The following PRAG1 variants were observed in gnomAD, a reference collection of about 807,000 sequenced individuals.
PRAG1 encodes the protein PEAK1 related, kinase-activating pseudokinase 1, also known as inactive tyrosine-protein kinase PRAG1.
Under a neutral mutation model 95.6 loss-of-function variants are expected in PRAG1, and 110 were observed. The observed-to-expected ratio is 1.15, with a 90% CI of 0.99 to 1.35. The LOEUF is 1.35. Among genes scored for constraint, PRAG1 ranks in the 40% most tolerant of loss-of-function variants. PRAG1 has a pLI of 0.00. For missense variants in PRAG1, 2,554 were observed against 1,864.7 expected (o/e 1.37, Z -6.81); for synonymous variants, 1,052 against 819.4 (o/e 1.28, Z -4.85).
At chr8:8,369,240 A>G (rs1800112037) in intron 3 of PRAG1, among the ~76,000 whole-genome samples, 1 of 151,620 alleles carries the variant, frequency 6.6e-6, no homozygotes, top group Non-Finnish European at 1.5e-5. Context: ...AACATCTACT[A>G]CATATCCAAC....
At position 8,378,040 on chromosome 8, in the gene PRAG1, C is replaced by A. The variant is rs749659111; in HGVS notation, c.369G>T (p.Pro123=). ...AGACGACGGGGGCATCCTCCTGCTT[C>A]GGGAGGGGGAGCTTGCCAGGGGCTC... The part of the protein sequence containing the change: ...WRRAPGKLPL[P]KQEDAPVVYL... Residue 123 remains proline (P), a synonymous_variant, in exon 3 of 6, where the codon CCG becomes CCT. Transcript: ENST00000615670. The A allele has an allele frequency of 4.5e-6, 7 of 1,557,476 alleles. No homozygotes were observed. In the East Asian group the frequency reaches 1.4e-4, roughly 30 times the overall value.
chr8:8,338,857 T>G (rs1563234433), intron 4 of PRAG1, among the ~76,000 whole-genome samples: 1 of 152,138 alleles, frequency 6.6e-6, no homozygotes, highest in Non-Finnish European at 1.5e-5. Context: ...CAAAGAATGC[T>G]GAAAGGGTGA....
chr8:8,381,028 T>G (rs887818184), intron 2 of PRAG1, among the ~76,000 whole-genome samples: 50 of 151,892 alleles, frequency 3.3e-4, no homozygotes, highest in Admixed American at 1.4e-3. Flanking sequence ...TGGTCAGGAG[T>G]TGATGGTTGC....
At chr8:8,381,900 T>G (rs1005952187) in intron 1 of PRAG1, 66 bp from the exon 2 acceptor site, 7 of 594,966 alleles carry the variant, frequency 1.2e-5, no homozygotes, top group African/African-American at 1.1e-4. Context: ...CATTATCAAT[T>G]AGAGTCTCAC....
chr8:8,327,061 C>T (rs961946128), intron 5 of PRAG1, among the ~76,000 whole-genome samples: 1 of 152,168 alleles, frequency 6.6e-6, no homozygotes, highest in Non-Finnish European at 1.5e-5. Flanking sequence ...TATATTCACA[C>T]CTACATACTC....
intron 2 of PRAG1, among the ~76,000 whole-genome samples, chr8:8,379,353 A>C (rs1230607521): frequency 6.6e-6 from 1 of 152,168 alleles, no homozygotes; most frequent in African/African-American, 2.4e-5. Context: ...TCTGGTCTAA[A>C]GTCCTCCTTT....
rs372835921 is a variant in PRAG1, at chr8:8,376,249, C to A, written c.2160G>T (p.Ser720=). 5 of 1,611,814 alleles carry A rather than the reference C, an allele frequency of 3.1e-6. No homozygotes were observed. Among genetic ancestry groups the A allele is most frequent in the Admixed American group, 3.3e-5 (2 of 59,936 alleles). The part of the protein sequence containing the change: ...TFSPPPPPPK[S]RHLLKMNKSS... ...CCCAGGCAGACAATGGTACTCACCG[C>A]GACTTTGGAGGCGGAGGAGGAGGTG... is the stretch of plus-strand genomic sequence containing the variant. The change falls in exon 3 of 6, where the codon TCG becomes TCT. Residue 720 remains serine (S), a splice_region_variant and synonymous_variant. Transcript: ENST00000615670.
In PRAG1 at chr8:8,378,040, C is replaced by T. The variant is rs749659111; in HGVS notation, c.369G>A (p.Pro123=). 10 of 1,557,478 alleles carry T rather than the reference C, an allele frequency of 6.4e-6. No homozygotes were observed. The highest frequency in any genetic ancestry group is 1.4e-5 in the African/African-American group (1 of 73,256). The change falls in exon 3 of 6, where the codon CCG becomes CCA. Residue 123 remains proline (P), a synonymous_variant. Coordinates refer to ENST00000615670, the MANE Select transcript of PRAG1 (RefSeq NM_001080826.3). ...WRRAPGKLPL[P]KQEDAPVVYL... The stretch of plus-strand genomic sequence containing the variant: ...AGACGACGGGGGCATCCTCCTGCTT[C>T]GGGAGGGGGAGCTTGCCAGGGGCTC...
Position 8,334,724 on chromosome 8 carries a change from A to G in PRAG1, c.2320+4754T>C, listed in dbSNP as rs572941933. Among the ~76,000 whole-genome samples, 10 of 150,646 alleles carry G rather than the reference A, an allele frequency of 6.6e-5. No individual in the cohort carries two copies. The South Asian group carries it at 1.7e-3, about 26-fold the overall frequency. On this transcript the variant is annotated intron_variant, in intron 4 of 5. Transcript: ENST00000615670. ...GTGGTCCTGGAATTATGATCTTTCA[A>G]TCTCCTGTTATAACATAATCATTAA...
chr8:8,377,567 C>A lies in PRAG1; in HGVS notation c.842G>T (p.Gly281Val). 6.2e-7 allele frequency: 1 copy of A among 1,609,508 alleles called. No individual in the cohort carries two copies. The highest frequency in any genetic ancestry group is 8.5e-7 in the Non-Finnish European group (1 of 1,178,190). The change falls in exon 3 of 6, where the codon GGC becomes GTC. Residue 281 changes from glycine (G) to valine (V), a missense_variant. Gly to Val is a moderately radical substitution (Grantham distance 109). Coordinates refer to ENST00000615670, the MANE Select transcript of PRAG1 (RefSeq NM_001080826.3). ...QTAGSRGRHG[G>V]RDCSPTCWEQ... ...CCAGCACGTGGGTGAGCAGTCCCTGCCACCATGCCTGCCCCGGGAACCTGC... is the reference window on the plus strand; with the variant it reads ...CCAGCACGTGGGTGAGCAGTCCCTGACACCATGCCTGCCCCGGGAACCTGC...
intron 3 of PRAG1, among the ~76,000 whole-genome samples, chr8:8,375,689 G>A (rs1158692335): frequency 6.6e-6 from 1 of 151,986 alleles, no homozygotes; most frequent in Admixed American, 6.6e-5. Flanking sequence ...CTTTAAAAAT[G>A]TTATTATTTA....
chr8:8,360,884 G>C (rs1025336745), intron 3 of PRAG1, among the ~76,000 whole-genome samples: 14 of 152,028 alleles, frequency 9.2e-5, no homozygotes, highest in African/African-American at 3.1e-4. Flanking sequence ...TTATCCTACT[G>C]CGGTTCCTGA....
intron 3 of PRAG1, among the ~76,000 whole-genome samples, chr8:8,343,853 C>G (rs571886116): frequency 1.3e-5 from 2 of 152,032 alleles, no homozygotes; most frequent in East Asian, 3.9e-4. Context: ...CCAGCCTTGT[C>G]CAATAGAATT....
chr8:8,355,834 C>T (rs545856767), intron 3 of PRAG1, among the ~76,000 whole-genome samples: 1 of 152,038 alleles, frequency 6.6e-6, no homozygotes, highest in African/African-American at 2.4e-5. Context: ...GAGAAAAGAA[C>T]ATAGGAAAAT....
intron 3 of PRAG1, among the ~76,000 whole-genome samples, chr8:8,368,844 A>T (rs1800098370): frequency 6.6e-6 from 1 of 152,132 alleles, no homozygotes; most frequent in Non-Finnish European, 1.5e-5. Flanking sequence ...TGGAAAAAAA[A>T]AAGTGTTTAG....
At chr8:8,371,044 G>T (rs967086868) in intron 3 of PRAG1, among the ~76,000 whole-genome samples, 1 of 148,770 alleles carries the variant, frequency 6.7e-6, no homozygotes, top group African/African-American at 2.5e-5. Context: ...GCTGAGGCAG[G>T]AAAATCGCTT....
At chr8:8,349,374 G>A (rs191189635) in intron 3 of PRAG1, among the ~76,000 whole-genome samples, 36 of 152,012 alleles carry the variant, frequency 2.4e-4, no homozygotes, top group Admixed American at 1.3e-3. Context: ...TCTGCCTCCC[G>A]GGTTCACGCC....
intron 3 of PRAG1, among the ~76,000 whole-genome samples, chr8:8,360,203 T>C (rs1486126475): frequency 6.6e-6 from 1 of 152,188 alleles, no homozygotes. Flanking sequence ...GAGAGCTTCC[T>C]CTGCTTTTTC....
chr8:8,358,008 G>A (rs1346743176), intron 3 of PRAG1, among the ~76,000 whole-genome samples: 1 of 152,174 alleles, frequency 6.6e-6, no homozygotes, highest in Non-Finnish European at 1.5e-5. Context: ...TCTACCTAGA[G>A]GTAGAGTCAG....
Sources: gnomAD v4.1 joint callset for allele counts (sites outside exome capture counted in the v4.1 genomes callset) on GRCh38, gnomAD v4.1.1 for gene constraint, MANE v1.5 for transcripts, NCBI Gene and HGNC (gene_info 2026-07-23, HGNC 2026-07-21) for gene names.